The following ANKRD44 variants were observed in gnomAD, a reference collection of about 807,000 sequenced individuals.
The protein encoded by ANKRD44 is ankyrin repeat domain 44.
A neutral mutation model predicts 116.0 loss-of-function variants in ANKRD44; 35 were observed. That is an observed-to-expected ratio of 0.30 (90% CI 0.23 to 0.40). ANKRD44 has a LOEUF of 0.40. Ranked by LOEUF, ANKRD44 falls within the 10% of genes least tolerant of loss-of-function variation. The pLI, the probability that ANKRD44 is intolerant of heterozygous loss-of-function variation, is 1.00. For missense variants in ANKRD44, 1,014 were observed against 1,242.6 expected (o/e 0.82, Z 2.77); for synonymous variants, 435 against 461.8 (o/e 0.94, Z 0.74).
chr2:196,980,788 C>G (rs1302783921), intron 21 of ANKRD44, among the ~76,000 whole-genome samples: 1 of 152,200 alleles, frequency 6.6e-6, no homozygotes. Context: ...TGCACTTGAC[C>G]ATTTTTACTT....
intron 8 of ANKRD44, among the ~76,000 whole-genome samples, chr2:197,112,863 C>G (rs899480998): frequency 1.3e-5 from 2 of 150,888 alleles, no homozygotes; most frequent in East Asian, 3.9e-4. Context: ...GTTATAAAAC[C>G]AAGGTTTTAA....
At chr2:197,272,178 C>A (rs1415010783) in intron 1 of ANKRD44, among the ~76,000 whole-genome samples, 1 of 152,170 alleles carries the variant, frequency 6.6e-6, no homozygotes, top group Non-Finnish European at 1.5e-5. Context: ...CTGGGAATTC[C>A]TAGCCTCCTG....
intron 1 of ANKRD44, among the ~76,000 whole-genome samples, chr2:197,262,013 G>A (rs2697286): frequency 0.83 from 125,657 of 152,234 alleles, 51,990 homozygotes; most frequent in South Asian, 0.9. Context: ...CTAAAAATCT[G>A]TAATGTATGA....
intron 1 of ANKRD44, among the ~76,000 whole-genome samples, chr2:197,254,767 T>C (rs975722847): frequency 2.1e-4 from 19 of 89,122 alleles, no homozygotes; most frequent in East Asian, 2.0e-3. Context: ...CACACACACA[T>C]ATATATATAT....
chr2:197,061,693 T>C (rs1315455626), intron 16 of ANKRD44, among the ~76,000 whole-genome samples: 1 of 152,018 alleles, frequency 6.6e-6, no homozygotes, highest in Non-Finnish European at 1.5e-5. Flanking sequence ...TATGGAGAAC[T>C]AGGAAATGTG....
intron 16 of ANKRD44, among the ~76,000 whole-genome samples, chr2:197,040,651 A>T (rs1226845814): frequency 6.6e-6 from 1 of 152,144 alleles, no homozygotes; most frequent in Non-Finnish European, 1.5e-5. Flanking sequence ...TGCTGGAATT[A>T]TAGGCATGAG....
intron 18 of ANKRD44, among the ~76,000 whole-genome samples, chr2:197,010,556 T>C (rs1242320291): frequency 3.3e-5 from 5 of 152,162 alleles, no homozygotes; most frequent in African/African-American, 1.2e-4. Flanking sequence ...TAGAAGGCTG[T>C]AGTGGTCCCA....
chr2:197,258,934 T>C (rs1485198169), intron 1 of ANKRD44, among the ~76,000 whole-genome samples: 1 of 152,230 alleles, frequency 6.6e-6, no homozygotes, highest in Admixed American at 6.5e-5. Flanking sequence ...ATGCTTGCTC[T>C]GAGTAGATAT....
In ANKRD44 at chr2:196,989,570, G is replaced by A. The variant is rs2075883444; in HGVS notation, c.*21C>T. 1.9e-6 allele frequency: 3 copies of A among 1,549,090 alleles called. No homozygotes were observed. The highest frequency in any genetic ancestry group is 1.2e-5 in the South Asian group (1 of 84,024). Reference sequence around the variant, plus strand: ...CACACATATATGTGTGCATGTGTATGTGCATAATTTTTAAAGAGTCTCATT... The same window carrying A: ...CACACATATATGTGTGCATGTGTATATGCATAATTTTTAAAGAGTCTCATT... On this transcript the variant is annotated 3_prime_UTR_variant, in exon 28 of 28. Coordinates refer to ENST00000282272, the MANE Select transcript of ANKRD44 (RefSeq NM_001195144.2).
intron 1 of ANKRD44, among the ~76,000 whole-genome samples, chr2:197,193,550 TG>T: frequency 6.6e-6 from 1 of 152,324 alleles, no homozygotes; most frequent in South Asian, 2.1e-4. Context: ...ATCTCTAAGA[TG>T]GGGTTACAAT....
intron 1 of ANKRD44, among the ~76,000 whole-genome samples, chr2:197,213,133 A>G (rs950420000): frequency 6.6e-6 from 1 of 152,188 alleles, no homozygotes; most frequent in Admixed American, 6.5e-5. Context: ...TTTTGACTCT[A>G]CAAGACTTCT....
chr2:197,054,774 A>G (rs2077172580), intron 16 of ANKRD44, among the ~76,000 whole-genome samples: 1 of 152,188 alleles, frequency 6.6e-6, no homozygotes, highest in Non-Finnish European at 1.5e-5. Flanking sequence ...TAATCCTAGT[A>G]ACTCTTTGGC....
At chr2:197,030,138 C>T (rs2076676653) in intron 16 of ANKRD44, 1 of 152,750 alleles carries the variant, frequency 6.5e-6, no homozygotes, top group Non-Finnish European at 1.5e-5. Context: ...CCACTGATTG[C>T]AGTAGACTCC....
At chr2:196,994,245 C>T (rs925805150) in intron 26 of ANKRD44, among the ~76,000 whole-genome samples, 3 of 151,976 alleles carry the variant, frequency 2.0e-5, no homozygotes, top group East Asian at 1.9e-4. Context: ...TGCAGTGGCA[C>T]GATCACAGCT....
chr2:197,209,616 A>C (rs1403951550), intron 1 of ANKRD44, among the ~76,000 whole-genome samples: 3 of 152,240 alleles, frequency 2.0e-5, no homozygotes, highest in African/African-American at 7.2e-5. Flanking sequence ...GTTCCAGTTT[A>C]GGAGAAATCT....
chr2:197,019,136 A>T (rs896356312), intron 17 of ANKRD44, among the ~76,000 whole-genome samples: 2 of 152,114 alleles, frequency 1.3e-5, no homozygotes, highest in Non-Finnish European at 2.9e-5. Flanking sequence ...AGAAACCTAA[A>T]CCCTTTCTAT....
Position 196,990,625 on chromosome 2 carries a change from C to T in ANKRD44, c.2924-976G>A, listed in dbSNP as rs919335813. 1.3e-4 allele frequency: 161 copies of T among 1,231,720 alleles called. No individual in the cohort carries two copies. In the African/African-American group the frequency reaches 2.4e-3, roughly 18 times the overall value. 76.3% of individuals were successfully genotyped at this position (1,231,720 alleles called of 1,614,324 possible). ...ATACAACATAAACCTGGAATTCAAG[C>T]TTCTTTCCTTTCCTCCAACACAGGT... On this transcript the variant is annotated intron_variant, in intron 27 of 27. Coordinates refer to ENST00000282272, the MANE Select transcript of ANKRD44 (RefSeq NM_001195144.2).
rs747829017 is a variant in ANKRD44, at chr2:197,125,355, T to C, written c.550+26A>G. 2.7e-5 allele frequency: 44 copies of C among 1,602,452 alleles called. No homozygotes were observed. The Middle Eastern group carries it at 5.0e-4, about 18-fold the overall frequency. ...TTATTTAGTTAAGGTTATCTGTACT[T>C]TGCTTTCCATGCATGGAATCCTTAC... On this transcript the variant is annotated intron_variant, in intron 6 of 27. Coordinates refer to ENST00000282272, the MANE Select transcript of ANKRD44 (RefSeq NM_001195144.2).
chr2:197,150,823 G>A (rs981040805), intron 2 of ANKRD44, among the ~76,000 whole-genome samples: 1 of 152,114 alleles, frequency 6.6e-6, no homozygotes, highest in Non-Finnish European at 1.5e-5. Flanking sequence ...TGAGAGATAA[G>A]GCAGAGAACT....
Sources: allele counts gnomAD v4.1 joint callset (sites outside exome capture counted in the v4.1 genomes callset), GRCh38; gene constraint gnomAD v4.1.1; transcripts MANE v1.5; gene names NCBI Gene and HGNC (gene_info 2026-07-23, HGNC 2026-07-21).